Variants in INVS observed in about 807,000 individuals in gnomAD.
The protein encoded by INVS is inversin.
Under a neutral mutation model 108.8 loss-of-function variants are expected in INVS, and 86 were observed. The ratio of observed to expected loss-of-function variants is 0.79; its 90% CI spans 0.66 to 0.95. The LOEUF (loss-of-function observed/expected upper bound fraction) is 0.95. INVS is among the 40% of genes least tolerant of loss of function. The pLI, the probability that INVS is intolerant of heterozygous loss-of-function variation, is 0.00. For missense variants in INVS, 1,169 were observed against 1,297.4 expected (o/e 0.90, Z 1.52); for synonymous variants, 455 against 473.5 (o/e 0.96, Z 0.51).
chr9:100,239,954 A>G, intron 5 of INVS, 106 bp from the exon 6 acceptor site: 3 of 1,042,516 alleles, frequency 2.9e-6, no homozygotes, highest in Admixed American at 1.8e-5. Flanking sequence ...GGGTGACAGA[A>G]CAAGACCCTG....
At chr9:100,155,030 T>A (rs1344802567) in intron 3 of INVS, among the ~76,000 whole-genome samples, 4 of 152,066 alleles carry the variant, frequency 2.6e-5, no homozygotes, top group Admixed American at 2.6e-4. Context: ...CTGGCCAACA[T>A]GGTGAAACCC....
At chr9:100,179,875 T>C (rs1418717726) in intron 3 of INVS, among the ~76,000 whole-genome samples, 1 of 152,166 alleles carries the variant, frequency 6.6e-6, no homozygotes, top group Admixed American at 6.6e-5. Flanking sequence ...TATTCTAAAA[T>C]TGACCACATA....
At position 100,157,380 on chromosome 9, in the gene INVS, T is replaced by G. The variant is rs551562784; in HGVS notation, c.273+30831T>G. Reference sequence around the variant, plus strand: ...CCTGGGTTCACGCCATTCTCCTGCCTCAGCCTCCCAAGTAGCTGGGACTAC... The same window carrying G: ...CCTGGGTTCACGCCATTCTCCTGCCGCAGCCTCCCAAGTAGCTGGGACTAC... On this transcript the variant is annotated intron_variant, in intron 3 of 16. Coordinates refer to ENST00000262457, the MANE Select transcript of INVS (RefSeq NM_014425.5). 1.4e-4 allele frequency among the ~76,000 whole-genome samples: 21 copies of G among 151,122 alleles called. No homozygotes were observed. The East Asian group carries it at 4.1e-3, about 29-fold the overall frequency.
At chr9:100,176,210 G>C (rs908829691) in intron 3 of INVS, among the ~76,000 whole-genome samples, 1 of 152,088 alleles carries the variant, frequency 6.6e-6, no homozygotes, top group Non-Finnish European at 1.5e-5. Flanking sequence ...AGTCGATTTT[G>C]TGGAGGGTGG....
Position 100,246,694 on chromosome 9 carries a change from G to A in INVS, c.985G>A (p.Ala329Thr). ...GGAAGGAAGAACATCCTTTATGTGGGCAGCTGGCAAAGGCAGTGATGATGT... is the reference window on the plus strand; with the variant it reads ...GGAAGGAAGAACATCCTTTATGTGGACAGCTGGCAAAGGCAGTGATGATGT... ...DLEGRTSFMW[A>T]AGKGSDDVLR... The change falls in exon 8 of 17, where the codon GCA (alanine) becomes ACA (threonine). Residue 329 changes from alanine (A) to threonine (T), a missense_variant. Around this residue, in one of 3 missense-constraint regions of INVS, gnomAD observed 365 missense variants for 397.5 expected, o/e 0.92. Transcript: ENST00000262457. The A allele has an allele frequency of 6.2e-7, 1 of 1,613,714 alleles. No homozygotes were observed. The highest frequency in any genetic ancestry group is 2.2e-5 in the East Asian group (1 of 44,852).
intron 3 of INVS, chr9:100,129,774 C>G (rs1377574245): frequency 4.6e-6 from 3 of 649,662 alleles, no homozygotes; most frequent in Non-Finnish European, 8.5e-6. Context: ...TGGCCTTTTC[C>G]TTTATGACAT....
intron 2 of INVS, among the ~76,000 whole-genome samples, chr9:100,113,255 G>C (rs1464454628): frequency 8.7e-6 from 1 of 115,200 alleles, no homozygotes; most frequent in East Asian, 1.1e-3. Context: ...GTGCATAAGG[G>C]CTTCTGTTAT....
intron 12 of INVS, among the ~76,000 whole-genome samples, chr9:100,273,684 C>T (rs950331258): frequency 1.3e-4 from 20 of 151,556 alleles, no homozygotes; most frequent in East Asian, 7.9e-4. Flanking sequence ...ACTACAGGCG[C>T]GCGCCACCAC....
chr9:100,143,788 A>G (rs1211302936), intron 3 of INVS, among the ~76,000 whole-genome samples: 3 of 152,160 alleles, frequency 2.0e-5, no homozygotes, highest in African/African-American at 7.2e-5. Flanking sequence ...TACCTGCAAC[A>G]GTTATGGAGG....
chr9:100,297,228 T>C, intron 15 of INVS, 82 bp downstream of exon 15: 3 of 1,077,976 alleles, frequency 2.8e-6, no homozygotes, highest in East Asian at 5.1e-5. Context: ...TTTAATTACA[T>C]TGGGTAAACT....
intron 11 of INVS, among the ~76,000 whole-genome samples, chr9:100,266,716 C>T (rs188022539): frequency 6.6e-6 from 1 of 152,144 alleles, no homozygotes; most frequent in Non-Finnish European, 1.5e-5. Flanking sequence ...CCTCATTTTA[C>T]GAGATCCTCT....
chr9:100,181,773 T>A (rs570617496), intron 3 of INVS, among the ~76,000 whole-genome samples: 13 of 152,182 alleles, frequency 8.5e-5, no homozygotes, highest in African/African-American at 3.1e-4. Flanking sequence ...TACTTTAAAT[T>A]TCGTATGGAA....
intron 2 of INVS, among the ~76,000 whole-genome samples, chr9:100,104,945 A>G (rs1214107986): frequency 2.6e-5 from 4 of 152,218 alleles, no homozygotes; most frequent in Non-Finnish European, 4.4e-5. Flanking sequence ...ATCTTTTAAC[A>G]TTTAATATAT....
At chr9:100,248,519 T>C (rs1428551942) in intron 8 of INVS, among the ~76,000 whole-genome samples, 1 of 152,012 alleles carries the variant, frequency 6.6e-6, no homozygotes, top group Non-Finnish European at 1.5e-5. Flanking sequence ...CCAATAGCAA[T>C]GTATGGACAT....
At position 100,226,230 on chromosome 9, in the gene INVS, A is replaced by C. The variant is rs1831316194; in HGVS notation, c.442A>C (p.Asn148His). 6.2e-7 allele frequency: 1 copy of C among 1,613,804 alleles called. No individual in the cohort carries two copies. The highest frequency in any genetic ancestry group is 2.2e-5 in the East Asian group (1 of 44,866). ...AGGAGAAGTGGATACACAGGATAAAAACAAGGTAATGGATACTCAAAATCA... is the reference window on the plus strand; with the variant it reads ...AGGAGAAGTGGATACACAGGATAAACACAAGGTAATGGATACTCAAAATCA... ...APGEVDTQDK[N>H]KQTALHWSAY... The change falls in exon 4 of 17, where the codon AAC (asparagine) becomes CAC (histidine). Residue 148 changes from asparagine to histidine, a missense_variant. Around this residue, in one of 3 missense-constraint regions of INVS, gnomAD observed 365 missense variants for 397.5 expected, o/e 0.92. Transcript: ENST00000262457.
intron 3 of INVS, among the ~76,000 whole-genome samples, chr9:100,170,811 A>G (rs1443405484): frequency 7.2e-5 from 11 of 152,196 alleles, no homozygotes; most frequent in Admixed American, 2.6e-4. Context: ...GTGCTAAGTT[A>G]TGGAAATACA....
Position 100,241,750 on chromosome 9 carries a change from A to G in INVS, c.797-820A>G, listed in dbSNP as rs772590200. Among the ~76,000 whole-genome samples the G allele has an allele frequency of 4.0e-4, 61 of 152,206 alleles. 1 individual carries two copies. The highest frequency in any genetic ancestry group is 8.3e-4 in the South Asian group (4 of 4,838). On this transcript the variant is annotated intron_variant, in intron 6 of 16. Coordinates refer to ENST00000262457, the MANE Select transcript of INVS (RefSeq NM_014425.5). ...CCATCTTAGACCACCTCTGGAGAGC[A>G]GATAGATGAACACAATTTCCACTCA...
intron 10 of INVS, among the ~76,000 whole-genome samples, chr9:100,256,744 C>A (rs1302120969): frequency 1.3e-5 from 2 of 152,116 alleles, no homozygotes; most frequent in African/African-American, 2.4e-5. Flanking sequence ...GTTTCTTAAT[C>A]CTGAGTTCTA....
At chr9:100,298,291 A>G (rs1833850477) in intron 16 of INVS, 1 of 1,306,934 alleles carries the variant, frequency 7.7e-7, no homozygotes, top group African/African-American at 1.5e-5. Flanking sequence ...GAAATAAATG[A>G]AAATACTGTC....
Sources: allele counts gnomAD v4.1 joint callset (sites outside exome capture counted in the v4.1 genomes callset), GRCh38; gene constraint gnomAD v4.1.1; regional missense constraint gnomAD v4.1.1; transcripts MANE v1.5; gene names NCBI Gene and HGNC (gene_info 2026-07-23, HGNC 2026-07-21).